Variants in NKAP observed in about 807,000 individuals in gnomAD.
NKAP encodes NF-kappa-B-activating protein.
In NKAP, 4 loss-of-function variants were observed where a neutral mutation model predicts 35.6. The observed-to-expected ratio is 0.11, with a 90% CI of 0.06 to 0.26. The LOEUF (loss-of-function observed/expected upper bound fraction) is 0.26, where lower values mean the gene tolerates loss of function less well. Ranked by LOEUF, NKAP falls within the 10% of genes least tolerant of loss-of-function variation. NKAP has a pLI of 1.00. For missense variants in NKAP, 238 were observed against 321.9 expected, an observed-to-expected ratio of 0.74 and a Z score of 1.99; for synonymous variants, 106 against 119.2, an observed-to-expected ratio of 0.89 and a Z score of 0.72.
chrX:119,928,421 T>C (rs915335714), intron 8 of NKAP, among the ~76,000 whole-genome samples: 1 of 112,455 alleles, frequency 8.9e-6, no homozygotes, highest in African/African-American at 3.2e-5. Flanking sequence ...CTGTTGCTGG[T>C]AAATAGAAAT....
chrX:119,934,821 T>C (rs1569472050), intron 4 of NKAP, among the ~76,000 whole-genome samples: 1 of 111,219 alleles, frequency 9.0e-6, no homozygotes, highest in African/African-American at 3.3e-5. Flanking sequence ...AAAATGCCTC[T>C]TTTTACGGGA....
Position 119,923,459 on chromosome X carries a change from C to A in NKAP, c.*1761G>T, listed in dbSNP as rs1159289213. On this transcript the variant is annotated 3_prime_UTR_variant, in exon 9 of 9. Transcript: ENST00000371410. ...AAAATATTTAATATCATTTTAGTTT[C>A]TCTTATGAAACAATTAAGCTAAAAT... 1 of 111,998 alleles carries A rather than the reference C, an allele frequency of 8.9e-6. No individual in the cohort carries two copies. Among genetic ancestry groups the A allele is most frequent in the African/African-American group, 3.2e-5 (1 of 30,888 alleles). The allele number at this position is 111,998 out of a possible 1,213,427, so 9.2% of individuals were successfully genotyped here. A position where few individuals can be genotyped will look rare whatever the true frequency, so the allele number is the denominator to read the frequency against.
intron 1 of NKAP, 192 bp downstream of exon 1, chrX:119,943,028 G>A (rs746620952): frequency 1.8e-5 from 9 of 492,035 alleles, no homozygotes; most frequent in Non-Finnish European, 2.9e-5. Context: ...ACTATATGAA[G>A]GGGCCTGAGG....
intron 1 of NKAP, 157 bp downstream of exon 1, chrX:119,943,063 T>C (rs1366752735): frequency 1.4e-6 from 1 of 691,942 alleles, no homozygotes; most frequent in Non-Finnish European, 2.1e-6. Flanking sequence ...AAAGGACGAA[T>C]AAAGGGTTGT....
In NKAP at chrX:119,925,400, GA is replaced by G; in HGVS notation, c.1074-7del. The G allele has an allele frequency of 2.5e-6, 3 of 1,187,316 alleles. No homozygotes were observed. The highest frequency in any genetic ancestry group is 3.4e-6 in the Non-Finnish European group (3 of 887,985). On this transcript the variant is annotated splice_polypyrimidine_tract_variant and splice_region_variant and intron_variant, in intron 8 of 8. Coordinates refer to ENST00000371410, the MANE Select transcript of NKAP (RefSeq NM_024528.4). Reference sequence around the variant, plus strand: ...CAGCCTCCATTCGGCGATGCCTGGAGAGAATTTTATTTTTGGCTTAATTTCT... The same window carrying G: ...CAGCCTCCATTCGGCGATGCCTGGAGGAATTTTATTTTTGGCTTAATTTCT...
chrX:119,928,345 A>G (rs1249591873), intron 8 of NKAP, among the ~76,000 whole-genome samples: 3 of 112,250 alleles, frequency 2.7e-5, no homozygotes, highest in Non-Finnish European at 5.6e-5. Context: ...TTTATTCTGA[A>G]GTCCTTCATA....
intron 2 of NKAP, 157 bp from the exon 3 acceptor site, chrX:119,936,839 C>A: frequency 2.4e-6 from 1 of 421,870 alleles, no homozygotes; most frequent in Admixed American, 4.7e-5. Flanking sequence ...ACTTGGGAAT[C>A]AAAAAAACCA....
intron 5 of NKAP, 155 bp from the exon 6 acceptor site, chrX:119,932,371 C>A: frequency 2.7e-6 from 1 of 371,793 alleles, no homozygotes; most frequent in Non-Finnish European, 4.6e-6. Context: ...GAATTCCCAG[C>A]TTATTCAAAC....
At chrX:119,925,489 A>C in intron 8 of NKAP, 95 bp from the exon 9 acceptor site, 9 of 887,236 alleles carry the variant, frequency 1.0e-5, no homozygotes, top group Non-Finnish European at 1.4e-5. Flanking sequence ...TCTATTTAAC[A>C]GCTGACAAAA....
rs2056766268 is a variant in NKAP, at chrX:119,936,367, TGA to T, written c.601_602del (p.Ser201IlefsTer6). 9.3e-7 allele frequency: 1 copy of T among 1,069,736 alleles called. No individual in the cohort carries two copies. Among genetic ancestry groups the T allele is most frequent in the Non-Finnish European group, 1.3e-6 (1 of 799,904 alleles). 88.2% of individuals were successfully genotyped at this position (1,069,736 alleles called of 1,213,427 possible). A position where few individuals can be genotyped will look rare whatever the true frequency, so the allele number is the denominator to read the frequency against. ...ERSKKRRKKK[S>X]SKRKHKKYSE... is the part of the protein sequence containing the mutation. ...AATACTTCTTATGTTTTCTTTTCGA[TGA>T]TTTTTTCTTTCTCCTTTTCTTGGAC... On this transcript the variant is annotated frameshift_variant, in exon 4 of 9. Transcript: ENST00000371410. LOFTEE classifies it high-confidence loss of function.
rs191355054 is a variant in NKAP at position 119,928,014 on chromosome X, C to T, written c.1073+2002G>A. The stretch of plus-strand genomic sequence containing the variant: ...TCAGAAGTGACCTGGCTATTCTTGT[C>T]CTTTTAGTGTAATATATAAATTTTA... On this transcript the variant is annotated intron_variant, in intron 8 of 8. Coordinates refer to ENST00000371410, the MANE Select transcript of NKAP (RefSeq NM_024528.4). 6.3e-5 allele frequency among the ~76,000 whole-genome samples: 7 copies of T among 111,977 alleles called. No homozygotes were observed. In the East Asian group the frequency reaches 1.7e-3, roughly 27 times the overall value.
intron 8 of NKAP, among the ~76,000 whole-genome samples, chrX:119,925,706 TCTGG>T (rs1184982580): frequency 9.2e-6 from 1 of 108,307 alleles, no homozygotes; most frequent in African/African-American, 3.4e-5. Flanking sequence ...AGATAACAGG[TCTGG>T]CTAATTTTTG....
At chrX:119,941,490 G>C (rs763482195) in intron 1 of NKAP, among the ~76,000 whole-genome samples, 15 of 112,088 alleles carry the variant, frequency 1.3e-4, no homozygotes, top group Non-Finnish European at 2.1e-4. Context: ...TAATGATGAA[G>C]AAATGGAGCC....
At chrX:119,943,001 T>G in intron 1 of NKAP, 3 of 391,354 alleles carry the variant, frequency 7.7e-6, no homozygotes, top group East Asian at 4.2e-5. Flanking sequence ...CGGAAGGGGG[T>G]AGCGGGAGAC....
chrX:119,940,498 T>C (rs1040491733), intron 1 of NKAP, among the ~76,000 whole-genome samples: 16 of 110,897 alleles, frequency 1.4e-4, no homozygotes, highest in African/African-American at 5.4e-4. Context: ...TTTTGTTTTA[T>C]GCCTATGGTT....
chrX:119,930,912 G>A (rs753704304), intron 7 of NKAP, among the ~76,000 whole-genome samples: 16 of 111,192 alleles, frequency 1.4e-4, no homozygotes, highest in Non-Finnish European at 2.8e-4. Context: ...AGGTTGAGGC[G>A]GGCAGATCAC....
At chrX:119,936,848 C>G in intron 2 of NKAP, 166 bp from the exon 3 acceptor site, 1 of 418,696 alleles carries the variant, frequency 2.4e-6, no homozygotes, top group Non-Finnish European at 4.1e-6. Flanking sequence ...TCAAAAAAAC[C>G]AAAACAACAA....
chrX:119,935,630 C>T (rs925935807), intron 4 of NKAP, among the ~76,000 whole-genome samples: 1 of 111,449 alleles, frequency 9.0e-6, no homozygotes, highest in African/African-American at 3.3e-5. Context: ...TCTTCGAGCA[C>T]TGAGGAAGAG....
At position 119,936,433 on chromosome X, in the gene NKAP, TAAGA is replaced by T; in HGVS notation, c.539-6_539-3del. The stretch of plus-strand genomic sequence containing the variant: ...GGCTAGACTTCTTCTTTTTTTCTTC[TAAGA>T]AAGTACAAATTAAAAAATTATATTC... On this transcript the variant is annotated splice_region_variant and splice_polypyrimidine_tract_variant and intron_variant, in intron 3 of 8. Coordinates refer to ENST00000371410, the MANE Select transcript of NKAP (RefSeq NM_024528.4). 3 of 1,129,236 alleles carry T rather than the reference TAAGA, an allele frequency of 2.7e-6. No individual in the cohort carries two copies. Among genetic ancestry groups the T allele is most frequent in the South Asian group, 4.0e-5 (2 of 49,617 alleles). 93.1% of individuals were successfully genotyped at this position (1,129,236 alleles called of 1,213,427 possible). A position where few individuals can be genotyped will look rare whatever the true frequency, so the allele number is the denominator to read the frequency against.
Sources: allele counts gnomAD v4.1 joint callset (sites outside exome capture counted in the v4.1 genomes callset), GRCh38; gene constraint gnomAD v4.1.1; transcripts MANE v1.5; gene names NCBI Gene and HGNC (gene_info 2026-07-23, HGNC 2026-07-21).